TRIOBP: variants seen among roughly 807,000 people sequenced by gnomAD.
TRIOBP encodes TRIO and F-actin binding protein.
TRIOBP carries 169 observed loss-of-function variants against 238.8 expected under a neutral mutation model. That is an observed-to-expected ratio of 0.71 (90% CI 0.62 to 0.80). The LOEUF (loss-of-function observed/expected upper bound fraction) is 0.80. TRIOBP is among the 30% of genes least tolerant of loss of function. The probability of loss-of-function intolerance (pLI) is 0.00; values close to 1 mark genes in which losing one functional copy is unlikely to be tolerated. For synonymous variants in TRIOBP, 1,150 were observed against 1,274.4 expected, an observed-to-expected ratio of 0.90 and a Z score of 2.08; for missense variants, 2,838 against 3,122.6, an observed-to-expected ratio of 0.91 and a Z score of 2.17.
chr22:37,720,501 C>A (rs865981827), intron 6 of TRIOBP, among the ~76,000 whole-genome samples: 5 of 152,146 alleles, frequency 3.3e-5, no homozygotes, highest in Non-Finnish European at 5.9e-5. Context: ...CCCCTGAAGG[C>A]TGGGGGCACA....
intron 16 of TRIOBP, 115 bp downstream of exon 16, chr22:37,758,253 G>C: frequency 7.5e-7 from 1 of 1,334,506 alleles, no homozygotes; most frequent in Non-Finnish European, 1.0e-6. Context: ...GCTCACCCCT[G>C]ATCTGCTGTG....
chr22:37,773,026 C>G (rs1345574464), intron 23 of TRIOBP, among the ~76,000 whole-genome samples: 4 of 152,236 alleles, frequency 2.6e-5, no homozygotes, highest in African/African-American at 4.8e-5. Context: ...CAGTGCACCC[C>G]CCTTCTTGGG....
At chr22:37,718,006 G>A (rs1242356388) in intron 6 of TRIOBP, among the ~76,000 whole-genome samples, 12 of 152,204 alleles carry the variant, frequency 7.9e-5, no homozygotes, top group Non-Finnish European at 5.9e-5. Context: ...GCTAAGGCCC[G>A]GCGAGAAATC....
At chr22:37,712,781 C>G (rs1027393239) in intron 4 of TRIOBP, among the ~76,000 whole-genome samples, 1 of 151,398 alleles carries the variant, frequency 6.6e-6, no homozygotes, top group Non-Finnish European at 1.5e-5. Context: ...ACGGTGAAAC[C>G]CCATCTCTAC....
At chr22:37,741,081 G>A (rs1220345844) in intron 11 of TRIOBP, 49 bp downstream of exon 11, 1 of 1,545,228 alleles carries the variant, frequency 6.5e-7, no homozygotes, top group Admixed American at 2.0e-5. Context: ...GATAGAGACG[G>A]GGATGGGAGG....
chr22:37,740,560 A>G (rs1924882952), intron 10 of TRIOBP, among the ~76,000 whole-genome samples: 1 of 152,220 alleles, frequency 6.6e-6, no homozygotes, highest in Admixed American at 6.5e-5. Context: ...TTTATATGTG[A>G]AATCTCTAAC....
At chr22:37,726,541 A>G (rs998683383) in intron 7 of TRIOBP, 38 bp downstream of exon 7, 20 of 1,434,830 alleles carry the variant, frequency 1.4e-5, no homozygotes, top group Middle Eastern at 2.5e-4. Flanking sequence ...TGGGCTGGGG[A>G]GGAGGCTCGG....
intron 18 of TRIOBP, 146 bp downstream of exon 18, chr22:37,765,963 G>T (rs1926473823): frequency 2.5e-6 from 3 of 1,179,556 alleles, no homozygotes; most frequent in Admixed American, 5.4e-5. Flanking sequence ...GGTGTTAGAA[G>T]CTCCAAGAAC....
rs754762610 is a variant in TRIOBP at position 37,757,797 on chromosome 22, C to T, written c.5872C>T (p.Arg1958Trp). Residue 1958 changes from arginine (R) to tryptophan (W), a missense_variant, in exon 16 of 24, where the codon CGG becomes TGG. Around this residue, in one of 5 missense-constraint regions of TRIOBP, gnomAD observed 2,096 missense variants for 2,137.4 expected, o/e 0.98. Coordinates refer to ENST00000644935, the MANE Select transcript of TRIOBP (RefSeq NM_001039141.3). ...LSPLTQASPQ[R>W]ARTPARTPDR... ...GCCGCTGACCCAGGCTTCCCCGCAG[C>T]GGGCCCGCACCCCAGCCCGCACTCC... 13 of 1,546,918 alleles carry T rather than the reference C, an allele frequency of 8.4e-6. No homozygotes were observed. The highest frequency in any genetic ancestry group is 7.9e-5 in the Admixed American group (4 of 50,946).
intron 16 of TRIOBP, among the ~76,000 whole-genome samples, chr22:37,758,347 A>G (rs1926056432): frequency 6.6e-6 from 1 of 152,120 alleles, no homozygotes; most frequent in African/African-American, 2.4e-5. Flanking sequence ...GTTTTTTCCT[A>G]GTTCTGCCCT....
chr22:37,746,621 C>A (rs1158787314), intron 11 of TRIOBP, among the ~76,000 whole-genome samples: 1 of 152,228 alleles, frequency 6.6e-6, no homozygotes, highest in African/African-American at 2.4e-5. Context: ...TCCTCGCCTT[C>A]CCTCGCCCAC....
chr22:37,730,452 A>T (rs1924368456), intron 7 of TRIOBP, among the ~76,000 whole-genome samples: 1 of 152,170 alleles, frequency 6.6e-6, no homozygotes, highest in African/African-American at 2.4e-5. Context: ...TCCGGAAGAG[A>T]ACACACAAGT....
intron 9 of TRIOBP, among the ~76,000 whole-genome samples, chr22:37,736,641 T>A (rs954410969): frequency 9.8e-5 from 15 of 152,320 alleles, no homozygotes; most frequent in African/African-American, 3.6e-4. Flanking sequence ...TTTATTTACT[T>A]ATTGAGACGG....
rs1178754465 is a variant in TRIOBP at position 37,725,825 on chromosome 22, A to C, written c.3269A>C (p.Asp1090Ala). The C allele has an allele frequency of 6.3e-7, 1 of 1,580,872 alleles. No homozygotes were observed. Among genetic ancestry groups the C allele is most frequent in the South Asian group, 1.1e-5 (1 of 89,794 alleles). ...TTTGACCCCTTCCCCTTCCTCCCAG[A>C]CACATCAGATGCCGAGCATCAGTGT... ...TQFDPFPFLP[D>A]TSDAEHQCQS... is the part of the protein sequence containing the mutation. The change falls in exon 7 of 24, where the codon GAC becomes GCC. Residue 1090 changes from aspartate (D) to alanine (A), a missense_variant. Transcript: ENST00000644935.
intron 23 of TRIOBP, among the ~76,000 whole-genome samples, chr22:37,773,319 A>G (rs1011417680): frequency 1.8e-4 from 28 of 152,044 alleles, no homozygotes; most frequent in African/African-American, 6.8e-4. Context: ...CCTAGGCTCA[A>G]GGGATCCTCC....
chr22:37,715,246 C>T (rs933993144), intron 5 of TRIOBP, among the ~76,000 whole-genome samples: 1 of 152,154 alleles, frequency 6.6e-6, no homozygotes, highest in South Asian at 2.1e-4. Context: ...AACTCCTGCC[C>T]TCAGGTGATC....
chr22:37,704,647 G>A (rs942440197), intron 3 of TRIOBP, among the ~76,000 whole-genome samples: 2 of 151,266 alleles, frequency 1.3e-5, no homozygotes, highest in East Asian at 3.9e-4. Context: ...AGGGCATTAG[G>A]GAAAGTTTCT....
chr22:37,744,259 C>G (rs1238564372), intron 11 of TRIOBP, among the ~76,000 whole-genome samples: 1 of 152,074 alleles, frequency 6.6e-6, no homozygotes, highest in Admixed American at 6.6e-5. Context: ...ATCCACCCGC[C>G]TCGGCCTCCT....
intron 6 of TRIOBP, among the ~76,000 whole-genome samples, chr22:37,718,701 A>G (rs1923664835): frequency 6.6e-6 from 1 of 152,076 alleles, no homozygotes; most frequent in Non-Finnish European, 1.5e-5. Context: ...GGCTCCTCAT[A>G]GGACAAAAAG....
Sources: gnomAD v4.1 joint callset for allele counts (sites outside exome capture counted in the v4.1 genomes callset) on GRCh38, gnomAD v4.1.1 for gene constraint, gnomAD v4.1.1 regional missense constraint, MANE v1.5 for transcripts, NCBI Gene and HGNC (gene_info 2026-07-23, HGNC 2026-07-21) for gene names.